CCDC192: variants seen among roughly 807,000 people sequenced by gnomAD.
CCDC192 encodes the protein coiled-coil domain-containing protein 192.
At chr5:127,929,466 G>C (rs563570076) in intron 6 of CCDC192, among the ~76,000 whole-genome samples, 13 of 152,252 alleles carry the variant, frequency 8.5e-5, no homozygotes, top group African/African-American at 3.1e-4. Context: ...ATGTATAGTT[G>C]CACATGTCAG....
intron 6 of CCDC192, among the ~76,000 whole-genome samples, chr5:127,902,278 AAAT>A (rs1004780816): frequency 1.3e-5 from 2 of 152,060 alleles, no homozygotes; most frequent in East Asian, 1.9e-4. Flanking sequence ...CTCCATCTCA[AAAT>A]AATAATAATA....
intron 3 of CCDC192, among the ~76,000 whole-genome samples, chr5:127,762,352 T>A (rs1754977844): frequency 6.6e-6 from 1 of 152,214 alleles, no homozygotes; most frequent in Non-Finnish European, 1.5e-5. Context: ...GCCAGAGTTC[T>A]GATTGATTTT....
At chr5:127,894,328 G>C (rs1214851984) in intron 6 of CCDC192, among the ~76,000 whole-genome samples, 1 of 151,542 alleles carries the variant, frequency 6.6e-6, no homozygotes, top group Non-Finnish European at 1.5e-5. Flanking sequence ...GAGTAGCTGA[G>C]ACTACAGGCG....
chr5:127,750,631 C>T (rs1266803767), intron 2 of CCDC192, among the ~76,000 whole-genome samples: 56 of 145,116 alleles, frequency 3.9e-4, no homozygotes, highest in African/African-American at 5.9e-4. Context: ...CTATTAGGTC[C>T]GCTTGGTGCA....
intron 3 of CCDC192, among the ~76,000 whole-genome samples, chr5:127,767,358 T>C (rs1755286338): frequency 6.6e-6 from 1 of 152,174 alleles, no homozygotes; most frequent in Admixed American, 6.5e-5. Context: ...TCGAGAACGG[T>C]TGTGTAACTA....
At chr5:127,754,556 T>A (rs1288601878) in intron 3 of CCDC192, among the ~76,000 whole-genome samples, 181 bp downstream of exon 3, 1 of 150,378 alleles carries the variant, frequency 6.6e-6, no homozygotes, top group Non-Finnish European at 1.5e-5. Flanking sequence ...AGCATTCCAT[T>A]CATTTTAGAC....
chr5:127,760,795 T>G (rs1489791682), intron 3 of CCDC192, among the ~76,000 whole-genome samples: 1 of 150,398 alleles, frequency 6.6e-6, no homozygotes, highest in East Asian at 2.0e-4. Flanking sequence ...AGAGATAATC[T>G]CAGCAAGACA....
intron 2 of CCDC192, among the ~76,000 whole-genome samples, chr5:127,744,679 G>T (rs1200241587): frequency 6.6e-6 from 1 of 152,144 alleles, no homozygotes; most frequent in Admixed American, 6.5e-5. Flanking sequence ...TCCCACTGCT[G>T]TTTGGTCACT....
intron 5 of CCDC192, among the ~76,000 whole-genome samples, chr5:127,849,746 G>C (rs919542944): frequency 1.3e-5 from 2 of 152,204 alleles, no homozygotes; most frequent in African/African-American, 4.8e-5. Flanking sequence ...CAACTTCTCA[G>C]TAATACCTTT....
At chr5:127,740,956 A>G (rs1753379378) in intron 2 of CCDC192, among the ~76,000 whole-genome samples, 1 of 152,234 alleles carries the variant, frequency 6.6e-6, no homozygotes, top group South Asian at 2.1e-4. Context: ...GTCACACAAA[A>G]AAAGTACCAT....
chr5:127,800,287 C>A (rs1757410736), intron 5 of CCDC192, among the ~76,000 whole-genome samples: 1 of 146,382 alleles, frequency 6.8e-6, no homozygotes, highest in Non-Finnish European at 1.5e-5. Context: ...TTAAGCCTCC[C>A]CTGATTAGAG....
intron 5 of CCDC192, among the ~76,000 whole-genome samples, chr5:127,802,534 A>G (rs1359111557): frequency 6.6e-6 from 1 of 152,110 alleles, no homozygotes; most frequent in Non-Finnish European, 1.5e-5. Flanking sequence ...TGAGTTTGCC[A>G]GACTTTCCCC....
chr5:127,818,818 G>T (rs539941172), intron 5 of CCDC192, among the ~76,000 whole-genome samples: 16 of 152,258 alleles, frequency 1.1e-4, no homozygotes, highest in African/African-American at 3.9e-4. Context: ...GGAAAGGACT[G>T]GTAAGGAAAA....
intron 5 of CCDC192, among the ~76,000 whole-genome samples, chr5:127,807,738 G>T (rs1007550249): frequency 6.6e-6 from 1 of 152,118 alleles, no homozygotes; most frequent in Non-Finnish European, 1.5e-5. Context: ...CTCCTGGGCT[G>T]ATCAGGAGTC....
chr5:127,894,400 C>A (rs1294483015), intron 6 of CCDC192, among the ~76,000 whole-genome samples: 1 of 151,902 alleles, frequency 6.6e-6, no homozygotes, highest in Non-Finnish European at 1.5e-5. Flanking sequence ...ACCATGTTGG[C>A]CAGGATGGTC....
At chr5:127,851,980 G>C (rs979476907) in intron 5 of CCDC192, among the ~76,000 whole-genome samples, 2 of 152,182 alleles carry the variant, frequency 1.3e-5, no homozygotes, top group Non-Finnish European at 2.9e-5. Context: ...AATATTTATG[G>C]TAATGAAAAA....
At chr5:127,804,622 A>G (rs1233394212) in intron 5 of CCDC192, among the ~76,000 whole-genome samples, 1 of 152,204 alleles carries the variant, frequency 6.6e-6, no homozygotes, top group African/African-American at 2.4e-5. Flanking sequence ...CAGAATCAGA[A>G]TCAGTTGTTT....
At chr5:127,921,819 G>A (rs1262219734) in intron 6 of CCDC192, among the ~76,000 whole-genome samples, 6 of 152,136 alleles carry the variant, frequency 3.9e-5, no homozygotes, top group African/African-American at 1.4e-4. Context: ...CTGGCTCTCA[G>A]ATGGTATTAA....
intron 5 of CCDC192, among the ~76,000 whole-genome samples, chr5:127,817,393 A>C (rs1176139205): frequency 6.6e-6 from 1 of 152,246 alleles, no homozygotes; most frequent in African/African-American, 2.4e-5. Flanking sequence ...AACAACTCAA[A>C]TGTCCAGCAA....
Sources: allele counts gnomAD v4.1 joint callset (sites outside exome capture counted in the v4.1 genomes callset), GRCh38; gene constraint gnomAD v4.1.1; transcripts MANE v1.5; gene names NCBI Gene and HGNC (gene_info 2026-07-23, HGNC 2026-07-21).